Variants in ROR2 observed in about 807,000 individuals in gnomAD.
ROR2 encodes ROR family WNT receptor 2.
ROR2 carries 33 observed loss-of-function variants against 74.9 expected under a neutral mutation model. The observed-to-expected ratio is 0.44, with a 90% CI of 0.33 to 0.59. The LOEUF (loss-of-function observed/expected upper bound fraction) is 0.59, where lower values mean the gene tolerates loss of function less well. Among genes scored for constraint, ROR2 ranks in the 20% least tolerant of loss-of-function variants. The pLI is 0.02. For missense variants in ROR2, 1,216 were observed against 1,313.8 expected (o/e 0.93, Z 1.15); for synonymous variants, 586 against 558.7 (o/e 1.05, Z -0.69).
chr9:91,929,538 T>C (rs1831497256), intron 1 of ROR2, among the ~76,000 whole-genome samples: 1 of 152,278 alleles, frequency 6.6e-6, no homozygotes, highest in East Asian at 1.9e-4. Context: ...GAACAAGTCA[T>C]GTTTAGAGAC....
chr9:91,924,189 G>A (rs1326433335), intron 1 of ROR2, among the ~76,000 whole-genome samples: 1 of 152,246 alleles, frequency 6.6e-6, no homozygotes, highest in Admixed American at 6.5e-5. Flanking sequence ...TGTCCTCCAT[G>A]GTAGGTGATC....
chr9:91,878,391 A>G (rs1015506381), intron 1 of ROR2, among the ~76,000 whole-genome samples: 1 of 152,154 alleles, frequency 6.6e-6, no homozygotes, highest in Admixed American at 6.6e-5. Flanking sequence ...TCTTCTGCAA[A>G]GCCTTCCCAG....
chr9:91,883,757 C>A (rs1206758392), intron 1 of ROR2, among the ~76,000 whole-genome samples: 2 of 152,330 alleles, frequency 1.3e-5, no homozygotes, highest in East Asian at 3.9e-4. Flanking sequence ...TACTGCCCAT[C>A]ACACCTCTGA....
intron 1 of ROR2, among the ~76,000 whole-genome samples, chr9:91,878,415 A>C (rs1830013686): frequency 1.3e-5 from 2 of 152,208 alleles, no homozygotes; most frequent in African/African-American, 4.8e-5. Context: ...TGCCTGGCAG[A>C]AGTGGGTTTT....
intron 1 of ROR2, among the ~76,000 whole-genome samples, chr9:91,787,333 A>G (rs1826836307): frequency 1.3e-5 from 2 of 152,152 alleles, no homozygotes; most frequent in Non-Finnish European, 2.9e-5. Context: ...TAATATGCTG[A>G]AACCCCATCT....
intron 1 of ROR2, among the ~76,000 whole-genome samples, chr9:91,847,822 G>A (rs541093818): frequency 4.0e-5 from 6 of 151,764 alleles, no homozygotes; most frequent in African/African-American, 9.7e-5. Context: ...AGTTCCGCTC[G>A]ACCAAGCTCA....
intron 1 of ROR2, among the ~76,000 whole-genome samples, chr9:91,912,902 G>A (rs1338478994): frequency 2.0e-5 from 3 of 152,238 alleles, no homozygotes; most frequent in Non-Finnish European, 4.4e-5. Context: ...GCCGAGGCGG[G>A]AGGATTACCT....
At chr9:91,924,381 T>G (rs1019104030) in intron 1 of ROR2, among the ~76,000 whole-genome samples, 2 of 152,230 alleles carry the variant, frequency 1.3e-5, no homozygotes, top group African/African-American at 4.8e-5. Flanking sequence ...ACAGGCAGCT[T>G]CAAGGCCAGT....
At chr9:91,732,054 A>G (rs572733794) in intron 6 of ROR2, among the ~76,000 whole-genome samples, 121 of 152,246 alleles carry the variant, frequency 7.9e-4, no homozygotes, top group African/African-American at 2.5e-3. Flanking sequence ...CAGGGTCACA[A>G]TGAGGGTCTG....
At chr9:91,939,066 T>C (rs933813552) in intron 1 of ROR2, among the ~76,000 whole-genome samples, 1 of 151,992 alleles carries the variant, frequency 6.6e-6, no homozygotes, top group African/African-American at 2.4e-5. Flanking sequence ...CTGGCCAACA[T>C]GGTGAAACCC....
rs1290703053 is a variant in ROR2, at chr9:91,751,185, TGAAAAGAA to T, written c.494+4878_494+4885del. Among the ~76,000 whole-genome samples the T allele has an allele frequency of 2.0e-3, 309 of 152,168 alleles. 2 individuals are homozygous for T. The highest frequency in any genetic ancestry group is 2.6e-3 in the Non-Finnish European group (176 of 68,004). Reference sequence around the variant, plus strand: ...GTCACTATAAGAGGGTCCCTATCAGTGAAAAGAACTAACCTTCACTCGGCAGTCAATGC... The same window carrying T: ...GTCACTATAAGAGGGTCCCTATCAGTCTAACCTTCACTCGGCAGTCAATGC... On this transcript the variant is annotated intron_variant, in intron 4 of 8. Transcript: ENST00000375708.
intron 1 of ROR2, among the ~76,000 whole-genome samples, chr9:91,878,024 C>T (rs1218214645): frequency 6.6e-6 from 1 of 152,076 alleles, no homozygotes; most frequent in East Asian, 1.9e-4. Context: ...CCAGCTTTAA[C>T]AAGATTTCCA....
intron 1 of ROR2, among the ~76,000 whole-genome samples, chr9:91,904,195 C>T (rs1208574414): frequency 6.6e-6 from 1 of 152,028 alleles, no homozygotes; most frequent in Non-Finnish European, 1.5e-5. Flanking sequence ...CATGCACCAC[C>T]ACACCCGGGC....
chr9:91,886,498 ACG>A (rs1392048466), intron 1 of ROR2, among the ~76,000 whole-genome samples: 1 of 144,968 alleles, frequency 6.9e-6, no homozygotes, highest in African/African-American at 2.8e-5. Context: ...CTGTGCACCC[ACG>A]CACGGCGCGG....
At chr9:91,762,520 AGCT>A (rs1485000012) in intron 2 of ROR2, among the ~76,000 whole-genome samples, 2 of 152,370 alleles carry the variant, frequency 1.3e-5, no homozygotes, top group South Asian at 2.1e-4. Flanking sequence ...GAAAAAACAC[AGCT>A]ATCAAACAAT....
chr9:91,899,389 C>A (rs1830615180), intron 1 of ROR2, among the ~76,000 whole-genome samples: 1 of 152,172 alleles, frequency 6.6e-6, no homozygotes, highest in African/African-American at 2.4e-5. Flanking sequence ...AGGTCAATGT[C>A]CCCTGCTTGG....
intron 1 of ROR2, among the ~76,000 whole-genome samples, chr9:91,851,223 A>G (rs369568734): frequency 1.3e-5 from 2 of 151,940 alleles, no homozygotes; most frequent in South Asian, 2.1e-4. Flanking sequence ...ATGGTAGCAC[A>G]TGCCTGTAGT....
intron 1 of ROR2, among the ~76,000 whole-genome samples, chr9:91,923,188 C>G (rs1439942491): frequency 6.6e-6 from 1 of 152,234 alleles, no homozygotes; most frequent in East Asian, 1.9e-4. Context: ...TCAGAAAGTA[C>G]TTATGACTGG....
chr9:91,808,274 T>G (rs758985436), intron 1 of ROR2, among the ~76,000 whole-genome samples: 16 of 152,214 alleles, frequency 1.1e-4, no homozygotes, highest in Non-Finnish European at 2.4e-4. Flanking sequence ...AAATATGCAC[T>G]TTGAATGTGG....
Sources: gnomAD v4.1 joint callset for allele counts (sites outside exome capture counted in the v4.1 genomes callset) on GRCh38, gnomAD v4.1.1 for gene constraint, MANE v1.5 for transcripts, NCBI Gene and HGNC (gene_info 2026-07-23, HGNC 2026-07-21) for gene names.